The following PPM1D variants were observed in gnomAD, a reference collection of about 807,000 sequenced individuals.
PPM1D encodes protein phosphatase, Mg2+/Mn2+ dependent 1D.
A neutral mutation model predicts 58.3 loss-of-function variants in PPM1D; 52 were observed. The observed-to-expected ratio is 0.89, with a 90% CI of 0.71 to 1.12. The LOEUF (loss-of-function observed/expected upper bound fraction) is 1.12. PPM1D is among the 50% of genes most tolerant of loss of function. The probability of loss-of-function intolerance (pLI) is 0.00; values close to 1 mark genes in which losing one functional copy is unlikely to be tolerated. For synonymous variants in PPM1D, 278 were observed against 285.1 expected (o/e 0.98, Z 0.25); for missense variants, 564 against 777.2 (o/e 0.73, Z 3.26).
intron 4 of PPM1D, among the ~76,000 whole-genome samples, chr17:60,649,906 A>G (rs1362055372): frequency 6.6e-6 from 1 of 152,162 alleles, no homozygotes; most frequent in African/African-American, 2.4e-5. Context: ...GGTGTGTTGC[A>G]TTTAGTTGGA....
chr17:60,630,477 T>G (rs934866420), intron 2 of PPM1D, among the ~76,000 whole-genome samples: 14 of 152,330 alleles, frequency 9.2e-5, no homozygotes, highest in Admixed American at 9.2e-4. Flanking sequence ...ATTTCCTTGC[T>G]TCCCTCTGTC....
At chr17:60,641,263 T>C (rs954150341) in intron 3 of PPM1D, among the ~76,000 whole-genome samples, 1 of 152,160 alleles carries the variant, frequency 6.6e-6, no homozygotes, top group Non-Finnish European at 1.5e-5. Context: ...GCATTGTCAT[T>C]TATTGGCTTT....
At chr17:60,639,379 T>C (rs1354383738) in intron 3 of PPM1D, among the ~76,000 whole-genome samples, 1 of 152,120 alleles carries the variant, frequency 6.6e-6, no homozygotes, top group African/African-American at 2.4e-5. Flanking sequence ...CCTAAAGTGC[T>C]GGGATTACAG....
chr17:60,600,342 G>A lies in PPM1D; in HGVS notation c.-73G>A. 1.3e-6 allele frequency: 2 copies of A among 1,512,186 alleles called. No individual in the cohort carries two copies. The highest frequency in any genetic ancestry group is 1.2e-5 in the South Asian group (1 of 82,180). The allele number at this position is 1,512,186 out of a possible 1,614,324, so 93.7% of individuals were successfully genotyped here. ...CGAAGATAAACAATAGTTGGCCGGC[G>A]AGCGCCTAGTGTGTCTCCCGCCGCC... is the stretch of plus-strand genomic sequence containing the variant. On this transcript the variant is annotated 5_prime_UTR_variant, in exon 1 of 6. Coordinates refer to ENST00000305921, the MANE Select transcript of PPM1D (RefSeq NM_003620.4).
intron 1 of PPM1D, chr17:60,604,635 G>A (rs2030291244): frequency 6.6e-6 from 1 of 152,196 alleles, no homozygotes; most frequent in Non-Finnish European, 1.5e-5. Flanking sequence ...GCATGTGCGT[G>A]TAGTCTCTGC....
At chr17:60,606,743 C>G (rs1467116845) in intron 1 of PPM1D, among the ~76,000 whole-genome samples, 2 of 152,014 alleles carry the variant, frequency 1.3e-5, no homozygotes, top group Non-Finnish European at 2.9e-5. Flanking sequence ...TTATTTTTGT[C>G]TTGAGGTAGG....
intron 1 of PPM1D, among the ~76,000 whole-genome samples, chr17:60,623,155 G>A (rs947877309): frequency 1.3e-5 from 2 of 152,048 alleles, no homozygotes; most frequent in South Asian, 2.1e-4. Flanking sequence ...TAAGTGGCTG[G>A]CTAAATGATA....
chr17:60,623,280 A>G (rs1054913340), intron 1 of PPM1D, among the ~76,000 whole-genome samples: 2 of 152,152 alleles, frequency 1.3e-5, no homozygotes, highest in South Asian at 4.1e-4. Context: ...GTCCTGTAAT[A>G]TATTTCTCTT....
At chr17:60,625,438 A>G (rs1031819466) in intron 2 of PPM1D, among the ~76,000 whole-genome samples, 9 of 152,244 alleles carry the variant, frequency 5.9e-5, no homozygotes, top group Non-Finnish European at 1.3e-4. Flanking sequence ...AGGGAATCTA[A>G]AGAAGAAATC....
chr17:60,634,061 C>T, intron 3 of PPM1D, 84 bp downstream of exon 3: 3 of 1,462,856 alleles, frequency 2.1e-6, no homozygotes, highest in South Asian at 1.2e-5. Context: ...AGAACTAAAC[C>T]CTTACTTGGC....
At chr17:60,641,513 G>T (rs2031133789) in intron 3 of PPM1D, among the ~76,000 whole-genome samples, 1 of 152,146 alleles carries the variant, frequency 6.6e-6, no homozygotes, top group Admixed American at 6.6e-5. Flanking sequence ...CATAGTTTGT[G>T]AATATTTTCT....
At chr17:60,658,615 T>C (rs944554372) in intron 5 of PPM1D, among the ~76,000 whole-genome samples, 1 of 134,160 alleles carries the variant, frequency 7.5e-6, no homozygotes, top group Admixed American at 8.3e-5. Context: ...GCCATTGTGC[T>C]CCAGCCTGGG....
intron 4 of PPM1D, among the ~76,000 whole-genome samples, chr17:60,649,427 G>A (rs1260820297): frequency 2.0e-5 from 3 of 152,082 alleles, no homozygotes; most frequent in Admixed American, 6.6e-5. Context: ...AGTAGCTCAC[G>A]CCTGTAATTC....
intron 4 of PPM1D, among the ~76,000 whole-genome samples, chr17:60,655,131 C>T (rs2031413438): frequency 6.6e-6 from 1 of 152,144 alleles, no homozygotes; most frequent in African/African-American, 2.4e-5. Context: ...ATATGAGTGA[C>T]ATTGACTGTT....
intron 2 of PPM1D, 28 bp from the exon 3 acceptor site, chr17:60,633,820 TTTAGA>T: frequency 6.4e-7 from 1 of 1,559,896 alleles, no homozygotes; most frequent in Non-Finnish European, 8.8e-7. Context: ...ATTTTAATCA[TTTAGA>T]TTATTTATGT....
Position 60,663,185 on chromosome 17 carries a change from T to TA in PPM1D, c.1453dup (p.Arg485LysfsTer4), listed in dbSNP as rs2031558520. ...GAAAATTGCGCTAAAGCCCTGACTT[T>TA]AAGGATACATGATTCTTTGAATAAT... On this transcript the variant is annotated frameshift_variant, in exon 6 of 6. Transcript: ENST00000305921. LOFTEE classifies it high-confidence loss of function. 1 of 1,614,020 alleles carries TA rather than the reference T, an allele frequency of 6.2e-7. No individual in the cohort carries two copies. The highest frequency in any genetic ancestry group is 8.5e-7 in the Non-Finnish European group (1 of 1,179,970).
intron 1 of PPM1D, among the ~76,000 whole-genome samples, chr17:60,617,979 T>G (rs775570664): frequency 6.6e-6 from 1 of 152,232 alleles, no homozygotes; most frequent in Non-Finnish European, 1.5e-5. Context: ...GGTTTACTTG[T>G]TTTTCTTAAT....
At chr17:60,661,690 G>T (rs918486965) in intron 5 of PPM1D, among the ~76,000 whole-genome samples, 1 of 152,164 alleles carries the variant, frequency 6.6e-6, no homozygotes, top group Non-Finnish European at 1.5e-5. Flanking sequence ...ATGGTCCCAT[G>T]TGTACTACTT....
chr17:60,633,084 A>T lies in PPM1D; in HGVS notation c.702-769A>T, dbSNP rs1184632306. 2.0e-5 allele frequency among the ~76,000 whole-genome samples: 3 copies of T among 150,114 alleles called. No homozygotes were observed. The East Asian group carries it at 5.9e-4, about 30-fold the overall frequency. The stretch of plus-strand genomic sequence containing the variant: ...GCAGATCACTTGAGGTTGGGAGTTC[A>T]AGACCAGCCTGGCCAACATGCTGAA... On this transcript the variant is annotated intron_variant, in intron 2 of 5. Transcript: ENST00000305921.
Sources: gnomAD v4.1 joint callset for allele counts (sites outside exome capture counted in the v4.1 genomes callset) on GRCh38, gnomAD v4.1.1 for gene constraint, MANE v1.5 for transcripts, NCBI Gene and HGNC (gene_info 2026-07-23, HGNC 2026-07-21) for gene names.